Variants in QTMAN observed in about 807,000 individuals in gnomAD.
QTMAN encodes the protein queuosine-tRNA mannosyltransferase, also known as tRNA-queuosine alpha-mannosyltransferase.
the QTMAN span, among the ~76,000 whole-genome samples, chr2:144,091,530 A>G: frequency 6.6e-6 from 1 of 152,222 alleles, no homozygotes; most frequent in Non-Finnish European, 1.5e-5. Context: ...GATTGACCTT[A>G]TCAAGTGCTG....
the QTMAN span, among the ~76,000 whole-genome samples, chr2:143,983,604 C>G: frequency 1.3e-5 from 2 of 151,614 alleles, no homozygotes; most frequent in Non-Finnish European, 2.9e-5. Flanking sequence ...TCCCTAGTAG[C>G]TGGGACTACA....
chr2:144,003,111 A>C, the QTMAN span, among the ~76,000 whole-genome samples: 1 of 151,944 alleles, frequency 6.6e-6, no homozygotes, highest in Non-Finnish European at 1.5e-5. Context: ...GCTATAATGT[A>C]GATTTTAAAA....
chr2:144,008,653 G>A, the QTMAN span, among the ~76,000 whole-genome samples: 1 of 151,824 alleles, frequency 6.6e-6, no homozygotes, highest in African/African-American at 2.4e-5. Context: ...TCAGAGGTAG[G>A]TGAAAAAGAA....
the QTMAN span, among the ~76,000 whole-genome samples, chr2:144,319,267 T>C: frequency 6.6e-6 from 1 of 152,188 alleles, no homozygotes; most frequent in Non-Finnish European, 1.5e-5. Context: ...TTAAATACTC[T>C]AGATGAAGGC....
the QTMAN span, among the ~76,000 whole-genome samples, chr2:144,155,902 T>TG: frequency 6.8e-6 from 1 of 147,728 alleles, no homozygotes; most frequent in East Asian, 2.0e-4. Flanking sequence ...CTGACAACCA[T>TG]GAAAAAAAAA....
At chr2:143,990,921 G>A in the QTMAN span, among the ~76,000 whole-genome samples, 4,501 of 152,028 alleles carry the variant, frequency 0.03, 218 homozygotes, top group African/African-American at 0.1. Context: ...AAAAGTGACC[G>A]AAAAGTTCTG....
the QTMAN span, chr2:144,208,747 C>A: frequency 6.2e-7 from 1 of 1,613,462 alleles, no homozygotes; most frequent in Non-Finnish European, 8.5e-7. Flanking sequence ...TTTATGGGAG[C>A]CTCCATAGAA....
chr2:144,027,950 T>C, the QTMAN span, among the ~76,000 whole-genome samples: 1 of 152,208 alleles, frequency 6.6e-6, no homozygotes, highest in African/African-American at 2.4e-5. Context: ...GCTCTCGTGC[T>C]GTAGAATTGG....
the QTMAN span, among the ~76,000 whole-genome samples, chr2:144,301,701 C>T: frequency 1.2e-4 from 19 of 152,290 alleles, no homozygotes; most frequent in African/African-American, 4.1e-4. Flanking sequence ...TTTAAAAGCA[C>T]ATCCACTACC....
the QTMAN span, among the ~76,000 whole-genome samples, chr2:144,010,143 T>C: frequency 2.0e-5 from 3 of 151,330 alleles, no homozygotes; most frequent in South Asian, 2.1e-4. Context: ...TCATGACCCA[T>C]CTTACTCATA....
the QTMAN span, chr2:144,011,682 G>A: frequency 2.0e-6 from 2 of 976,736 alleles, no homozygotes; most frequent in South Asian, 9.5e-5. Context: ...CTGATGGGGT[G>A]AAACTGGCTT....
At chr2:144,319,925 A>T in the QTMAN span, 96 of 152,346 alleles carry the variant, frequency 6.3e-4, no homozygotes, top group African/African-American at 2.2e-3. Context: ...CTATTTCAGC[A>T]CTGCTAAGCT....
chr2:144,289,925 G>T, the QTMAN span, among the ~76,000 whole-genome samples: 1 of 152,126 alleles, frequency 6.6e-6, no homozygotes, highest in African/African-American at 2.4e-5. Context: ...TCAGCCTAAA[G>T]GTTTCTCCAT....
chr2:144,300,076 A>G, the QTMAN span, among the ~76,000 whole-genome samples: 8 of 152,216 alleles, frequency 5.3e-5, no homozygotes, highest in Admixed American at 5.2e-4. Flanking sequence ...TCTCATTCAT[A>G]AAGACAAAGT....
chr2:143,996,192 C>T, the QTMAN span, among the ~76,000 whole-genome samples: 1 of 152,046 alleles, frequency 6.6e-6, no homozygotes, highest in South Asian at 2.1e-4. Flanking sequence ...GTTTAAGGTC[C>T]CAAGCCAAAG....
At chr2:144,101,440 T>A in the QTMAN span, among the ~76,000 whole-genome samples, 1 of 152,022 alleles carries the variant, frequency 6.6e-6, no homozygotes, top group Non-Finnish European at 1.5e-5. Flanking sequence ...ATGTATCTAA[T>A]TGTTAAAAAG....
chr2:144,292,873 TAAAAGATAATACTC>T, the QTMAN span, among the ~76,000 whole-genome samples: 1 of 152,190 alleles, frequency 6.6e-6, no homozygotes, highest in Non-Finnish European at 1.5e-5. Flanking sequence ...TATTTCATTT[TAAAAGATAATACTC>T]ACAAATTATC....
At chr2:144,172,764 T>C in the QTMAN span, among the ~76,000 whole-genome samples, 1 of 152,116 alleles carries the variant, frequency 6.6e-6, no homozygotes, top group Non-Finnish European at 1.5e-5. Context: ...CACTTGATTC[T>C]AATTGCCACC....
the QTMAN span, among the ~76,000 whole-genome samples, chr2:143,988,423 G>A: frequency 1.3e-5 from 2 of 152,132 alleles, no homozygotes; most frequent in Non-Finnish European, 1.5e-5. Context: ...TTGAGACCAA[G>A]ACATCTTCCT....
Sources: gnomAD v4.1 joint callset for allele counts (sites outside exome capture counted in the v4.1 genomes callset) on GRCh38, gnomAD v4.1.1 for gene constraint, MANE v1.5 for transcripts, NCBI Gene and HGNC (gene_info 2026-07-23, HGNC 2026-07-21) for gene names.